Variants in NOL4 observed in about 807,000 individuals in gnomAD.
NOL4 encodes nucleolar protein 4, also known as cancer/testis antigen 125.
NOL4 carries 17 observed loss-of-function variants against 75.9 expected under a neutral mutation model. The ratio of observed to expected loss-of-function variants is 0.22; its 90% CI spans 0.15 to 0.34. The LOEUF (loss-of-function observed/expected upper bound fraction) is 0.34, where lower values mean the gene tolerates loss of function less well. NOL4 is among the 10% of genes least tolerant of loss of function. NOL4 has a pLI of 1.00. For synonymous variants in NOL4, 292 were observed against 289.9 expected (o/e 1.01, Z -0.07); for missense variants, 614 against 793.5 (o/e 0.77, Z 2.72).
chr18:33,935,925 T>A (rs974187428), intron 9 of NOL4, among the ~76,000 whole-genome samples: 2 of 152,096 alleles, frequency 1.3e-5, no homozygotes, highest in South Asian at 4.1e-4. Flanking sequence ...TGAGGATGAC[T>A]GAGAATAAGT....
At position 33,971,840 on chromosome 18, in the gene NOL4, C is replaced by T. The variant is rs143965586; in HGVS notation, c.1057-13422G>A. Among the ~76,000 whole-genome samples the T allele has an allele frequency of 4.8e-3, 727 of 152,244 alleles. 7 individuals carry two copies. The highest frequency in any genetic ancestry group is 0.016 in the African/African-American group (679 of 41,544). ...TTATGAATCCTACAAACATCAGACT[C>T]TTTGATGTGTAAATTAACATTTGAA... On this transcript the variant is annotated intron_variant, in intron 6 of 10. Transcript: ENST00000261592.
At chr18:33,970,097 G>C (rs1163012874) in intron 6 of NOL4, among the ~76,000 whole-genome samples, 1 of 152,138 alleles carries the variant, frequency 6.6e-6, no homozygotes, top group Non-Finnish European at 1.5e-5. Context: ...AAGTGATGCA[G>C]CTCCTGAAAG....
intron 2 of NOL4, among the ~76,000 whole-genome samples, chr18:34,109,422 G>A (rs976420086): frequency 1.3e-5 from 2 of 152,138 alleles, no homozygotes; most frequent in African/African-American, 4.8e-5. Context: ...AGGAGGCTGA[G>A]GTGGGAGGAT....
chr18:34,191,372 T>C (rs945646510), intron 1 of NOL4, among the ~76,000 whole-genome samples: 9 of 152,172 alleles, frequency 5.9e-5, no homozygotes, highest in African/African-American at 2.2e-4. Flanking sequence ...TGTCAGTTAA[T>C]ATGATTTTAC....
intron 5 of NOL4, among the ~76,000 whole-genome samples, chr18:34,090,751 G>C (rs2078476283): frequency 6.6e-6 from 1 of 152,154 alleles, no homozygotes; most frequent in East Asian, 1.9e-4. Flanking sequence ...AAGCCTGCTG[G>C]TGATGTTCAC....
chr18:34,007,825 T>A (rs2074123192), intron 6 of NOL4, among the ~76,000 whole-genome samples: 1 of 151,972 alleles, frequency 6.6e-6, no homozygotes, highest in African/African-American at 2.4e-5. Flanking sequence ...TATCTCCTTG[T>A]TATTTTTTTT....
intron 1 of NOL4, among the ~76,000 whole-genome samples, chr18:34,190,334 A>G (rs546521677): frequency 1.3e-5 from 2 of 152,160 alleles, no homozygotes; most frequent in South Asian, 2.1e-4. Context: ...AGCTTGGAAT[A>G]TAAATTAAAA....
chr18:34,192,202 C>A (rs1220344016), intron 1 of NOL4, among the ~76,000 whole-genome samples: 1 of 152,060 alleles, frequency 6.6e-6, no homozygotes, highest in African/African-American at 2.4e-5. Context: ...TAAAACAAAT[C>A]ATTGATGAAA....
At chr18:33,952,880 T>C (rs948028887) in intron 8 of NOL4, among the ~76,000 whole-genome samples, 1 of 152,130 alleles carries the variant, frequency 6.6e-6, no homozygotes, top group Non-Finnish European at 1.5e-5. Context: ...GCTGAGGTCA[T>C]GCCATTGCAC....
intron 1 of NOL4, among the ~76,000 whole-genome samples, chr18:34,139,718 T>G (rs1200481650): frequency 6.6e-6 from 1 of 152,176 alleles, no homozygotes; most frequent in Admixed American, 6.5e-5. Context: ...TGCCTTCTGC[T>G]AGCTTTTGAA....
chr18:34,116,957 A>G (rs1829426754), intron 2 of NOL4, among the ~76,000 whole-genome samples: 1 of 152,162 alleles, frequency 6.6e-6, no homozygotes, highest in African/African-American at 2.4e-5. Flanking sequence ...AGTTTGTATT[A>G]TATATAAACC....
intron 9 of NOL4, among the ~76,000 whole-genome samples, chr18:33,913,887 T>C (rs941690544): frequency 6.6e-6 from 1 of 152,104 alleles, no homozygotes; most frequent in African/African-American, 2.4e-5. Context: ...AGGAGGTTTT[T>C]AATTAGTGCA....
At chr18:34,056,796 A>G (rs908063895) in intron 5 of NOL4, among the ~76,000 whole-genome samples, 2 of 152,124 alleles carry the variant, frequency 1.3e-5, no homozygotes, top group African/African-American at 4.8e-5. Flanking sequence ...TAACTGGTCA[A>G]CAGAGTTCTT....
intron 8 of NOL4, among the ~76,000 whole-genome samples, chr18:33,945,517 A>G (rs913725181): frequency 2.0e-5 from 3 of 151,738 alleles, no homozygotes; most frequent in Non-Finnish European, 4.4e-5. Context: ...ATGCATAATA[A>G]TTTATGTAAT....
chr18:34,187,283 C>T (rs1359071869), intron 1 of NOL4, among the ~76,000 whole-genome samples: 1 of 151,538 alleles, frequency 6.6e-6, no homozygotes, highest in African/African-American at 2.4e-5. Context: ...AATCATACAT[C>T]ATGTAACCTT....
At chr18:34,009,010 C>G (rs2074218800) in intron 6 of NOL4, among the ~76,000 whole-genome samples, 1 of 151,968 alleles carries the variant, frequency 6.6e-6, no homozygotes, top group Non-Finnish European at 1.5e-5. Context: ...ACCCAACACC[C>G]TGCCATCTTG....
intron 9 of NOL4, among the ~76,000 whole-genome samples, chr18:33,941,015 A>G (rs1022697069): frequency 3.3e-5 from 5 of 152,046 alleles, no homozygotes; most frequent in Non-Finnish European, 7.4e-5. Context: ...AATCTCTGAC[A>G]GTAGGAAAGT....
intron 1 of NOL4, among the ~76,000 whole-genome samples, chr18:34,194,351 T>C (rs1011746465): frequency 6.6e-6 from 1 of 151,550 alleles, no homozygotes; most frequent in Admixed American, 6.6e-5. Flanking sequence ...TGCCAATTGT[T>C]AAATAAATAT....
At chr18:34,070,379 A>C (rs1048764600) in intron 5 of NOL4, among the ~76,000 whole-genome samples, 2 of 152,188 alleles carry the variant, frequency 1.3e-5, no homozygotes, top group Non-Finnish European at 2.9e-5. Context: ...TCAGTCTCTG[A>C]CAAATGAAAA....
Sources: gnomAD v4.1 joint callset for allele counts (sites outside exome capture counted in the v4.1 genomes callset) on GRCh38, gnomAD v4.1.1 for gene constraint, MANE v1.5 for transcripts, NCBI Gene and HGNC (gene_info 2026-07-23, HGNC 2026-07-21) for gene names.